The following AFF3 variants were observed in gnomAD, a reference collection of about 807,000 sequenced individuals.
The protein encoded by AFF3 is AF4/FMR2 family member 3.
AFF3 carries 32 observed loss-of-function variants against 129.7 expected under a neutral mutation model. The ratio of observed to expected loss-of-function variants is 0.25; its 90% CI spans 0.19 to 0.33. AFF3 has a LOEUF of 0.33. Ranked by LOEUF, AFF3 falls within the 10% of genes least tolerant of loss-of-function variation. The pLI, the probability that AFF3 is intolerant of heterozygous loss-of-function variation, is 1.00. For synonymous variants in AFF3, 644 were observed against 635.4 expected, an observed-to-expected ratio of 1.01 and a Z score of -0.20; for missense variants, 1,373 against 1,592.0, an observed-to-expected ratio of 0.86 and a Z score of 2.34.
intron 15 of AFF3, among the ~76,000 whole-genome samples, chr2:99,591,233 C>G (rs545479619): frequency 1.3e-5 from 2 of 152,142 alleles, no homozygotes; most frequent in South Asian, 4.2e-4. Flanking sequence ...GTTGCCTAGG[C>G]TGGAGTGCAG....
intron 24 of AFF3, among the ~76,000 whole-genome samples, chr2:99,552,050 T>A (rs1319730279): frequency 3.9e-5 from 6 of 152,162 alleles, no homozygotes; most frequent in African/African-American, 1.4e-4. Flanking sequence ...TGAAGTCACC[T>A]TCTAGCTTTT....
At chr2:99,917,162 G>A (rs1004532733) in intron 7 of AFF3, among the ~76,000 whole-genome samples, 7 of 152,170 alleles carry the variant, frequency 4.6e-5, no homozygotes, top group African/African-American at 1.2e-4. Context: ...CAGGGATATG[G>A]TACGACTCTG....
intron 7 of AFF3, among the ~76,000 whole-genome samples, chr2:99,948,278 C>T (rs1414080697): frequency 2.0e-5 from 3 of 152,244 alleles, no homozygotes; most frequent in Admixed American, 6.5e-5. Flanking sequence ...TGACTGCTCC[C>T]CATCTGCAGT....
intron 7 of AFF3, among the ~76,000 whole-genome samples, chr2:99,851,159 T>C (rs971478735): frequency 2.0e-5 from 3 of 152,192 alleles, no homozygotes; most frequent in Admixed American, 6.5e-5. Context: ...TTAGGCAGCA[T>C]TTATTAGACA....
At position 99,557,996 on chromosome 2, in the gene AFF3, C is replaced by T. The variant is rs147473426; in HGVS notation, c.3285+879G>A. Among the ~76,000 whole-genome samples the T allele has an allele frequency of 1.9e-3, 284 of 152,244 alleles. 1 individual carries two copies. The highest frequency in any genetic ancestry group is 6.6e-3 in the African/African-American group (273 of 41,558). ...GGTCGACCTCACAACAGTACATCAG[C>T]GAAGGCTTTTAAAAATTTATTCTCC... On this transcript the variant is annotated intron_variant, in intron 22 of 24. Transcript: ENST00000672756.
chr2:99,931,604 T>G (rs1000916920), intron 7 of AFF3, among the ~76,000 whole-genome samples: 1 of 152,204 alleles, frequency 6.6e-6, no homozygotes, highest in African/African-American at 2.4e-5. Flanking sequence ...TTGCAGTTAT[T>G]TGACATATAT....
chr2:99,817,612 C>A (rs1461857339), intron 8 of AFF3, among the ~76,000 whole-genome samples: 1 of 152,170 alleles, frequency 6.6e-6, no homozygotes, highest in Admixed American at 6.5e-5. Context: ...GCTTTGAACT[C>A]CTAGGTTCAA....
chr2:100,042,860 A>T (rs1483698465), intron 4 of AFF3, among the ~76,000 whole-genome samples: 1 of 152,236 alleles, frequency 6.6e-6, no homozygotes, highest in Non-Finnish European at 1.5e-5. Context: ...TTCTTAAACT[A>T]AGAAAATGTT....
At chr2:99,881,266 A>G (rs1167415104) in intron 7 of AFF3, among the ~76,000 whole-genome samples, 1 of 152,222 alleles carries the variant, frequency 6.6e-6, no homozygotes, top group Non-Finnish European at 1.5e-5. Context: ...AAGTGCTGGC[A>G]TAAAATGTTA....
chr2:99,959,026 G>A (rs1466136431), intron 7 of AFF3, among the ~76,000 whole-genome samples: 3 of 152,150 alleles, frequency 2.0e-5, no homozygotes, highest in East Asian at 1.9e-4. Flanking sequence ...GAGTCCAGGA[G>A]TATGAGGCTG....
chr2:99,986,326 C>T (rs1012145727), intron 7 of AFF3, among the ~76,000 whole-genome samples: 3 of 151,678 alleles, frequency 2.0e-5, no homozygotes, highest in Non-Finnish European at 4.4e-5. Context: ...GCCACAACCT[C>T]TTCAAGCGGC....
chr2:99,840,450 A>G (rs1387222209), intron 7 of AFF3, among the ~76,000 whole-genome samples: 1 of 152,222 alleles, frequency 6.6e-6, no homozygotes, highest in Non-Finnish European at 1.5e-5. Context: ...AAAGACCAAC[A>G]ACAAAATGTG....
chr2:99,743,782 C>T (rs986811930), intron 10 of AFF3, among the ~76,000 whole-genome samples: 1 of 152,110 alleles, frequency 6.6e-6, no homozygotes, highest in Non-Finnish European at 1.5e-5. Context: ...TTTAGACAAC[C>T]AATTATGTGC....
rs74930282 is a variant in AFF3 at position 99,545,678 on chromosome 2, T to C, written c.*5796A>G. 663 of 162,576 alleles carry C rather than the reference T, an allele frequency of 4.1e-3. 1 individual carries two copies. The highest frequency in any genetic ancestry group is 6.6e-3 in the Non-Finnish European group (489 of 74,042). The allele number at this position is 162,576 out of a possible 1,614,324, so 10.1% of individuals were successfully genotyped here. ...GCCCTGAATTCAACCCTCAGATCAA[T>C]GTCTATAAAATTGGCTGTAAGAGGT... On this transcript the variant is annotated 3_prime_UTR_variant, in exon 25 of 25. Coordinates refer to ENST00000672756, the MANE Select transcript of AFF3 (RefSeq NM_001386135.1).
intron 8 of AFF3, among the ~76,000 whole-genome samples, chr2:99,752,982 C>A (rs962988201): frequency 6.6e-6 from 1 of 152,158 alleles, no homozygotes; most frequent in African/African-American, 2.4e-5. Context: ...CCAGTATTCA[C>A]CTTCAGTTTC....
At chr2:100,006,562 G>T in intron 7 of AFF3, 70 bp downstream of exon 7, 1 of 1,483,812 alleles carries the variant, frequency 6.7e-7, no homozygotes, top group South Asian at 1.4e-5. Flanking sequence ...CATGGAAACT[G>T]AATTCACGAG....
chr2:99,836,857 G>A (rs890332449), intron 8 of AFF3, among the ~76,000 whole-genome samples: 2 of 152,018 alleles, frequency 1.3e-5, no homozygotes, highest in Admixed American at 6.6e-5. Context: ...GGTTGATGAC[G>A]ACATCCTGAT....
intron 7 of AFF3, among the ~76,000 whole-genome samples, chr2:99,903,382 AGTACAGG>A (rs1248189034): frequency 6.6e-6 from 1 of 152,198 alleles, no homozygotes; most frequent in Non-Finnish European, 1.5e-5. Flanking sequence ...ATACTTTTTG[AGTACAGG>A]AAGAAATAAT....
chr2:99,826,647 C>T (rs185314679), intron 8 of AFF3, among the ~76,000 whole-genome samples: 25 of 152,172 alleles, frequency 1.6e-4, no homozygotes, highest in South Asian at 4.2e-4. Flanking sequence ...GCAGTGGTTA[C>T]GCCTGCAGAA....
Sources: allele counts gnomAD v4.1 joint callset (sites outside exome capture counted in the v4.1 genomes callset), GRCh38; gene constraint gnomAD v4.1.1; transcripts MANE v1.5; gene names NCBI Gene and HGNC (gene_info 2026-07-23, HGNC 2026-07-21).